The following LRRC27 variants were observed in gnomAD, a reference collection of about 807,000 sequenced individuals.
LRRC27 encodes the protein leucine-rich repeat-containing protein 27.
A neutral mutation model predicts 55.0 loss-of-function variants in LRRC27; 57 were observed. The observed-to-expected ratio is 1.04, with a 90% CI of 0.84 to 1.29. The LOEUF is 1.29. Among genes scored for constraint, LRRC27 ranks in the 50% most tolerant of loss-of-function variants. LRRC27 has a pLI of 0.00. For missense variants in LRRC27, 721 were observed against 651.5 expected, an observed-to-expected ratio of 1.11 and a Z score of -1.16; for synonymous variants, 278 against 251.9, an observed-to-expected ratio of 1.10 and a Z score of -0.98.
chr10:132,360,343 G>A (rs1374379941), intron 8 of LRRC27, among the ~76,000 whole-genome samples: 3 of 152,160 alleles, frequency 2.0e-5, no homozygotes, highest in African/African-American at 4.8e-5. Context: ...CAGTCCACCC[G>A]CCCCGGCCTC....
At chr10:132,331,734 C>T (rs1179505809), upstream of LRRC27, 2 of 1,612,350 alleles carry the variant, frequency 1.2e-6, no homozygotes, top group Non-Finnish European at 1.7e-6. Flanking sequence ...CGGCACTTAG[C>T]ATCCCGCTCT....
Position 132,378,063 on chromosome 10 carries a change from T to A in LRRC27, c.*2821T>A, listed in dbSNP as rs1475590741. 1.3e-5 allele frequency: 2 copies of A among 152,024 alleles called. No individual in the cohort carries two copies. The highest frequency in any genetic ancestry group is 3.9e-4 in the East Asian group (2 of 5,164). 9.4% of individuals were successfully genotyped at this position (152,024 alleles called of 1,614,324 possible). ...CGGGCGTGGTGGCTGTAGTCGCAGC[T>A]ACTCAGGAGGCTGAGGCGGGAGAAT... On this transcript the variant is annotated 3_prime_UTR_variant, in exon 11 of 11. Transcript: ENST00000368614.
intron 10 of LRRC27, among the ~76,000 whole-genome samples, chr10:132,367,157 T>C (rs978397407): frequency 5.9e-5 from 9 of 152,336 alleles, no homozygotes; most frequent in African/African-American, 2.2e-4. Context: ...ATAAATTTAG[T>C]GAAATAGATT....
chr10:132,331,773 G>A, upstream of LRRC27: 1 of 1,609,094 alleles, frequency 6.2e-7, no homozygotes, highest in Admixed American at 1.7e-5. Context: ...CAGGCCGGTC[G>A]CCCCTCCAGA....
chr10:132,333,781 G>A (rs746963956), intron 2 of LRRC27, 47 bp downstream of exon 2: 8 of 1,444,216 alleles, frequency 5.5e-6, no homozygotes, highest in Non-Finnish European at 6.7e-6. Flanking sequence ...GTCCCCTATA[G>A]ACAGAAATGG....
upstream of LRRC27, among the ~76,000 whole-genome samples, chr10:132,331,132 C>T (rs1158891816): frequency 7.7e-6 from 1 of 130,486 alleles, no homozygotes; most frequent in African/African-American, 2.9e-5. Context: ...ACCTGGGAGG[C>T]GGAGGTCGCA....
Position 132,348,867 on chromosome 10 carries a change from G to A in LRRC27, c.926+511G>A. ...AAATGGCAGCTGCCTGGGGACAAAA[G>A]GAAGGCAGTCATTGTGTGGCCCACT... On this transcript the variant is annotated intron_variant, in intron 6 of 10. Transcript: ENST00000368614. The surrounding 1 kb of genome is among the most constrained non-coding windows in gnomAD (Gnocchi z 4.2). 1.2e-6 allele frequency: 1 copy of A among 800,754 alleles called. No homozygotes were observed. Among genetic ancestry groups the A allele is most frequent in the Non-Finnish European group, 2.1e-6 (1 of 485,630 alleles). The allele number at this position is 800,754 out of a possible 1,614,324, so 49.6% of individuals were successfully genotyped here. A position where few individuals can be genotyped will look rare whatever the true frequency, so the allele number is the denominator to read the frequency against.
chr10:132,355,684 C>A, intron 7 of LRRC27, 106 bp from the exon 8 acceptor site: 1 of 807,430 alleles, frequency 1.2e-6, no homozygotes. Flanking sequence ...CCAGCCTGTG[C>A]CCCCTGGAGA....
At chr10:132,337,336 A>G in intron 2 of LRRC27, 1 of 1,332,470 alleles carries the variant, frequency 7.5e-7, no homozygotes, top group South Asian at 1.9e-5. Flanking sequence ...CTCTTCAGGA[A>G]GTCAGTTCCG....
chr10:132,363,380 C>A (rs1009522504), intron 9 of LRRC27, among the ~76,000 whole-genome samples: 3 of 152,186 alleles, frequency 2.0e-5, no homozygotes, highest in East Asian at 1.9e-4. Flanking sequence ...GGGATGATCA[C>A]TGGGCTCCCT....
chr10:132,333,721 T>C lies in LRRC27; in HGVS notation c.197T>C (p.Ile66Thr), dbSNP rs1411233893. Residue 66 changes from isoleucine to threonine, a missense_variant, in exon 2 of 11, where the codon ATC becomes ACC. By Grantham distance (89) the Ile-to-Thr change is moderately conservative. Transcript: ENST00000368614. ...TGCCGTTTGGAGGAGGTCTTTAGAATCCCCAGCCTTCAAGTAAGTGGGGCT... is the reference window on the plus strand; with the variant it reads ...TGCCGTTTGGAGGAGGTCTTTAGAACCCCCAGCCTTCAAGTAAGTGGGGCT... The part of the protein sequence containing the change: ...GLCRLEEVFR[I>T]PSLQQLHLQR... The C allele has an allele frequency of 3.3e-5, 54 of 1,612,996 alleles. No individual in the cohort carries two copies. Among genetic ancestry groups the C allele is most frequent in the Non-Finnish European group, 4.4e-5 (52 of 1,179,978 alleles).
intron 9 of LRRC27, 128 bp downstream of exon 9, chr10:132,361,703 C>T: frequency 2.9e-6 from 2 of 699,050 alleles, no homozygotes; most frequent in East Asian, 2.7e-5. Context: ...GGGCCCCAGG[C>T]TGTGGCGGGC....
intron 6 of LRRC27, among the ~76,000 whole-genome samples, chr10:132,350,134 G>T (rs904704446): frequency 6.6e-6 from 1 of 152,182 alleles, no homozygotes; most frequent in Non-Finnish European, 1.5e-5. Context: ...GCCTGGGCCT[G>T]CTTATAAGGC....
chr10:132,357,696 C>T (rs1309557528), intron 8 of LRRC27, among the ~76,000 whole-genome samples: 1 of 152,132 alleles, frequency 6.6e-6, no homozygotes, highest in Non-Finnish European at 1.5e-5. Context: ...GCTTCTGAGT[C>T]CTGTGAGACC....
rs568983174 is a variant in LRRC27 at position 132,362,996 on chromosome 10, C to T, written c.1289+1421C>T. Among the ~76,000 whole-genome samples, 31 of 122,624 alleles carry T rather than the reference C, an allele frequency of 2.5e-4. 2 individuals are homozygous for T. The highest frequency in any genetic ancestry group is 7.9e-4 in the African/African-American group (25 of 31,470). 80.4% of individuals were successfully genotyped at this position (122,624 alleles called of 152,430 possible). On this transcript the variant is annotated intron_variant, in intron 9 of 10. Transcript: ENST00000368614. The stretch of plus-strand genomic sequence containing the variant: ...TCACCCTTCTCACCTCACAGCAGCT[C>T]GGGGGTCTGGGGTTCACCCTTCTCA...
Position 132,344,547 on chromosome 10 carries a change from A to G in LRRC27, c.450A>G (p.Glu150=). 6.2e-7 allele frequency: 1 copy of G among 1,614,150 alleles called. No individual in the cohort carries two copies. The highest frequency in any genetic ancestry group is 8.5e-7 in the Non-Finnish European group (1 of 1,179,988). The change falls in exon 5 of 11, where the codon GAA becomes GAG. Residue 150 remains glutamate, a synonymous_variant. Coordinates refer to ENST00000368614, the MANE Select transcript of LRRC27 (RefSeq NM_030626.3). ...TGAACCTAAGACACTGCCCTCTGGA[A>G]TTCCCTCCTCAGCTCGTTGTGCAGA... ...KALNLRHCPL[E]FPPQLVVQKG... is the part of the protein sequence containing the mutation.
chr10:132,373,269 G>A (rs1021879777), intron 10 of LRRC27, among the ~76,000 whole-genome samples: 5 of 152,214 alleles, frequency 3.3e-5, no homozygotes, highest in African/African-American at 7.2e-5. Flanking sequence ...AGGACGACCT[G>A]AGCAGAGCGA....
At chr10:132,361,434 A>G (rs1449362815) in intron 8 of LRRC27, 23 bp from the exon 9 acceptor site, 2 of 1,555,778 alleles carry the variant, frequency 1.3e-6, no homozygotes, top group African/African-American at 1.4e-5. Context: ...GATTCCAGAA[A>G]TCATCTTGTT....
At chr10:132,343,685 C>CTAA (rs1337688311) in intron 4 of LRRC27, among the ~76,000 whole-genome samples, 1 of 152,244 alleles carries the variant, frequency 6.6e-6, no homozygotes, top group East Asian at 1.9e-4. Flanking sequence ...TTTGTAGAGC[C>CTAA]TAATACTTAA....
Sources: allele counts gnomAD v4.1 joint callset (sites outside exome capture counted in the v4.1 genomes callset), GRCh38; gene constraint gnomAD v4.1.1; non-coding constraint Gnocchi (gnomAD v3.1); transcripts MANE v1.5; gene names NCBI Gene and HGNC (gene_info 2026-07-23, HGNC 2026-07-21).